Variants in SERGEF observed in about 807,000 individuals in gnomAD.
The protein encoded by SERGEF is secretion-regulating guanine nucleotide exchange factor.
A neutral mutation model predicts 50.0 loss-of-function variants in SERGEF; 51 were observed. The observed-to-expected ratio is 1.02, with a 90% CI of 0.81 to 1.29. The LOEUF is 1.29. Ranked by LOEUF, SERGEF falls within the 50% of genes most tolerant of loss-of-function variation. SERGEF has a pLI of 0.00. For synonymous variants in SERGEF, 205 were observed against 212.4 expected, an observed-to-expected ratio of 0.97 and a Z score of 0.30; for missense variants, 521 against 557.0, an observed-to-expected ratio of 0.94 and a Z score of 0.65.
intron 9 of SERGEF, among the ~76,000 whole-genome samples, chr11:17,903,446 T>G (rs532984989): frequency 4.6e-5 from 7 of 152,290 alleles, no homozygotes; most frequent in African/African-American, 1.7e-4. Flanking sequence ...CTGAGAGAAA[T>G]GACAAGAAAG....
At chr11:17,933,954 A>G (rs1852402133) in intron 9 of SERGEF, among the ~76,000 whole-genome samples, 1 of 152,178 alleles carries the variant, frequency 6.6e-6, no homozygotes. Flanking sequence ...TGCTTTTCCT[A>G]TGATGACAGC....
At chr11:17,799,014 C>CA (rs1849616516) in intron 10 of SERGEF, among the ~76,000 whole-genome samples, 1 of 152,232 alleles carries the variant, frequency 6.6e-6, no homozygotes, top group Admixed American at 6.5e-5. Flanking sequence ...GGCATGCACA[C>CA]AGCACCTTCG....
chr11:17,815,319 C>T (rs1849950491), intron 10 of SERGEF, among the ~76,000 whole-genome samples: 1 of 151,968 alleles, frequency 6.6e-6, no homozygotes, highest in African/African-American at 2.4e-5. Context: ...ACTGACCTGG[C>T]CGGGCATGGT....
chr11:17,948,167 C>T (rs1481470036), intron 9 of SERGEF, among the ~76,000 whole-genome samples: 1 of 152,136 alleles, frequency 6.6e-6, no homozygotes, highest in Non-Finnish European at 1.5e-5. Context: ...CCACCTGCCT[C>T]AGCCTCCCAA....
intron 10 of SERGEF, among the ~76,000 whole-genome samples, chr11:17,845,975 G>C (rs1291900389): frequency 6.6e-6 from 1 of 152,132 alleles, no homozygotes; most frequent in East Asian, 1.9e-4. Flanking sequence ...GTGAATGAAT[G>C]AACAAATAAT....
chr11:17,944,193 C>T (rs1385478636), intron 9 of SERGEF, among the ~76,000 whole-genome samples: 1 of 152,148 alleles, frequency 6.6e-6, no homozygotes, highest in Non-Finnish European at 1.5e-5. Context: ...TCCCAAAGTG[C>T]TGGGATTACA....
At chr11:17,948,973 T>C (rs1275686340) in intron 9 of SERGEF, among the ~76,000 whole-genome samples, 1 of 152,188 alleles carries the variant, frequency 6.6e-6, no homozygotes, top group Non-Finnish European at 1.5e-5. Flanking sequence ...TGGCCACCAC[T>C]GGCAGTGTCC....
chr11:17,873,661 T>TGGA (rs145195114), intron 10 of SERGEF, among the ~76,000 whole-genome samples: 18,285 of 148,168 alleles, frequency 0.12, 1,332 homozygotes, highest in Middle Eastern at 0.23. Flanking sequence ...TGGCTCTGCT[T>TGGA]GGAGGAGGAG....
chr11:17,974,483 A>T (rs977394142), intron 8 of SERGEF, among the ~76,000 whole-genome samples: 5 of 152,170 alleles, frequency 3.3e-5, no homozygotes, highest in South Asian at 2.1e-4. Flanking sequence ...GTTACTATGG[A>T]CCATCTGCCA....
chr11:17,860,538 G>A (rs1850907859), intron 10 of SERGEF, among the ~76,000 whole-genome samples: 2 of 152,130 alleles, frequency 1.3e-5, no homozygotes, highest in African/African-American at 4.8e-5. Flanking sequence ...AAAATGGTTG[G>A]CTCCGGAAAT....
At chr11:17,935,323 T>A (rs545374665) in intron 9 of SERGEF, among the ~76,000 whole-genome samples, 33 of 152,028 alleles carry the variant, frequency 2.2e-4, no homozygotes, top group East Asian at 1.5e-3. Flanking sequence ...ACACAAAAAA[T>A]TTTTTTTAAC....
intron 10 of SERGEF, among the ~76,000 whole-genome samples, chr11:17,870,017 G>A (rs1428410953): frequency 6.6e-6 from 1 of 152,140 alleles, no homozygotes; most frequent in African/African-American, 2.4e-5. Flanking sequence ...TGAATCAGGG[G>A]GGCAGTTTCC....
chr11:17,917,473 T>C (rs1477895920), intron 9 of SERGEF, among the ~76,000 whole-genome samples: 1 of 152,218 alleles, frequency 6.6e-6, no homozygotes, highest in Non-Finnish European at 1.5e-5. Flanking sequence ...TAATGTATAC[T>C]GCTTGGGTAA....
At chr11:17,875,739 C>T (rs1325039309) in intron 10 of SERGEF, among the ~76,000 whole-genome samples, 2 of 152,222 alleles carry the variant, frequency 1.3e-5, no homozygotes, top group Admixed American at 1.3e-4. Context: ...ACCTCCCTTT[C>T]CAAGTTGATT....
At chr11:17,887,164 C>T (rs567386669) in intron 9 of SERGEF, among the ~76,000 whole-genome samples, 38 of 152,310 alleles carry the variant, frequency 2.5e-4, no homozygotes, top group African/African-American at 6.7e-4. Flanking sequence ...GATCCTACTG[C>T]TGAGGGCTCA....
intron 10 of SERGEF, among the ~76,000 whole-genome samples, chr11:17,860,783 A>C (rs1425434147): frequency 1.3e-5 from 2 of 152,196 alleles, no homozygotes; most frequent in Non-Finnish European, 2.9e-5. Context: ...CATCTGTAGA[A>C]CAGGGTTATA....
intron 9 of SERGEF, among the ~76,000 whole-genome samples, chr11:17,885,131 C>T (rs1251590623): frequency 6.6e-6 from 1 of 152,208 alleles, no homozygotes; most frequent in African/African-American, 2.4e-5. Context: ...ACAGTTCTAA[C>T]TCTTTTCCTT....
intron 10 of SERGEF, among the ~76,000 whole-genome samples, chr11:17,874,017 G>C (rs1250859687): frequency 6.6e-6 from 1 of 152,198 alleles, no homozygotes; most frequent in African/African-American, 2.4e-5. Context: ...CTGAAAGGCA[G>C]GGATCTTCTC....
At chr11:17,842,665 C>A (rs1850526717) in intron 10 of SERGEF, among the ~76,000 whole-genome samples, 1 of 152,156 alleles carries the variant, frequency 6.6e-6, no homozygotes, top group Admixed American at 6.5e-5. Flanking sequence ...ATAAAATGAG[C>A]TAATAATAAC....
Sources: allele counts gnomAD v4.1 joint callset (sites outside exome capture counted in the v4.1 genomes callset), GRCh38; gene constraint gnomAD v4.1.1; transcripts MANE v1.5; gene names NCBI Gene and HGNC (gene_info 2026-07-23, HGNC 2026-07-21).